The following TNRC6A variants were observed in gnomAD, a reference collection of about 807,000 sequenced individuals.
The protein encoded by TNRC6A is trinucleotide repeat-containing gene 6A protein.
Under a neutral mutation model 221.2 loss-of-function variants are expected in TNRC6A, and 44 were observed. The observed-to-expected ratio is 0.20, with a 90% CI of 0.16 to 0.26. The LOEUF is 0.26. Ranked by LOEUF, TNRC6A falls within the 10% of genes least tolerant of loss-of-function variation. The pLI, the probability that TNRC6A is intolerant of heterozygous loss-of-function variation, is 1.00. For synonymous variants in TNRC6A, 847 were observed against 838.5 expected, an observed-to-expected ratio of 1.01 and a Z score of -0.18; for missense variants, 2,199 against 2,404.4, an observed-to-expected ratio of 0.91 and a Z score of 1.79.
At chr16:24,806,853 A>G (rs2058443291) in intron 17 of TNRC6A, 69 bp downstream of exon 17, 3 of 1,408,428 alleles carry the variant, frequency 2.1e-6, no homozygotes, top group Admixed American at 3.6e-5. Context: ...CTTCACACGT[A>G]CCCTTACAGC....
At chr16:24,791,962 T>C in intron 6 of TNRC6A, 145 bp downstream of exon 6, 2 of 847,014 alleles carry the variant, frequency 2.4e-6, no homozygotes, top group Non-Finnish European at 3.4e-6. Flanking sequence ...GGGTGATGTT[T>C]ACCACCAGAG....
At chr16:24,709,037 G>A (rs7189584) in intron 2 of TNRC6A, among the ~76,000 whole-genome samples, 38,997 of 151,838 alleles carry the variant, frequency 0.26, 8,276 homozygotes, top group East Asian at 0.72. Context: ...CAGGCAGATT[G>A]CCTGAGGTCG....
intron 2 of TNRC6A, chr16:24,662,835 G>A (rs368564010): frequency 5.6e-4 from 86 of 153,890 alleles, no homozygotes; most frequent in African/African-American, 2.0e-3. Flanking sequence ...TTCTGGTGAA[G>A]GCATGACAGC....
chr16:24,815,191 C>G lies in TNRC6A; in HGVS notation c.4717C>G (p.Pro1573Ala), dbSNP rs1336495530. 5 of 1,614,190 alleles carry G rather than the reference C, an allele frequency of 3.1e-6. No individual in the cohort carries two copies. The highest frequency in any genetic ancestry group is 4.2e-6 in the Non-Finnish European group (5 of 1,180,030). Residue 1573 changes from proline to alanine, a missense_variant, in exon 19 of 25, where the codon CCC (proline) becomes GCC (alanine). By Grantham distance (27) the Pro-to-Ala change is conservative. Around this residue, in one of 8 missense-constraint regions of TNRC6A, gnomAD observed 449 missense variants for 579.7 expected, o/e 0.77. Transcript: ENST00000395799. ...CAGGCTGGAAGAGTCTCCATTTGTTCCCTATGACTTTATGAACAGCAGTAC... is the reference window on the plus strand; with the variant it reads ...CAGGCTGGAAGAGTCTCCATTTGTTGCCTATGACTTTATGAACAGCAGTAC... ...GFRLEESPFV[P>A]YDFMNSSTSP... is the part of the protein sequence containing the mutation.
chr16:24,674,739 T>C (rs1209160520), intron 2 of TNRC6A, among the ~76,000 whole-genome samples: 2 of 143,272 alleles, frequency 1.4e-5, no homozygotes, highest in Non-Finnish European at 3.1e-5. Flanking sequence ...CACACACACA[T>C]CTTTGTCTAA....
chr16:24,815,337 G>A (rs1171974312), intron 19 of TNRC6A, 32 bp downstream of exon 19: 2 of 1,610,416 alleles, frequency 1.2e-6, no homozygotes, highest in East Asian at 4.5e-5. Flanking sequence ...TCTTTCATGA[G>A]ACTGTGTTTC....
intron 2 of TNRC6A, among the ~76,000 whole-genome samples, chr16:24,680,757 T>TTTTG (rs869171572): frequency 1.3e-5 from 2 of 151,726 alleles, no homozygotes; most frequent in African/African-American, 2.4e-5. Flanking sequence ...GGAAGCGTTT[T>TTTTG]TTTGTTTGTT....
chr16:24,642,760 C>T (rs375591895), intron 2 of TNRC6A, among the ~76,000 whole-genome samples: 2 of 151,990 alleles, frequency 1.3e-5, no homozygotes, highest in African/African-American at 4.8e-5. Context: ...GTGGAGGTTG[C>T]GGTGAGCTGA....
At chr16:24,682,637 G>A (rs745834094) in intron 2 of TNRC6A, among the ~76,000 whole-genome samples, 96 of 152,170 alleles carry the variant, frequency 6.3e-4, no homozygotes, top group Non-Finnish European at 1.2e-3. Context: ...GAAAGGCCAA[G>A]GGGAAGAATG....
intron 2 of TNRC6A, among the ~76,000 whole-genome samples, chr16:24,660,185 A>G (rs1212363951): frequency 6.6e-6 from 1 of 152,130 alleles, no homozygotes; most frequent in East Asian, 1.9e-4. Flanking sequence ...TCACCCAAGC[A>G]GTATACACTG....
intron 4 of TNRC6A, among the ~76,000 whole-genome samples, chr16:24,762,341 T>C (rs1307850052): frequency 6.6e-6 from 1 of 152,232 alleles, no homozygotes; most frequent in Admixed American, 6.5e-5. Context: ...TTAAGTCAGC[T>C]GCATGTCAAA....
intron 2 of TNRC6A, among the ~76,000 whole-genome samples, chr16:24,722,982 TG>T (rs1327816399): frequency 2.0e-5 from 3 of 151,966 alleles, no homozygotes; most frequent in Non-Finnish European, 4.4e-5. Flanking sequence ...ATTACCGACT[TG>T]GGGGAAAACT....
At chr16:24,639,815 TTTTG>T (rs1230335494) in intron 1 of TNRC6A, among the ~76,000 whole-genome samples, 6 of 151,990 alleles carry the variant, frequency 3.9e-5, no homozygotes, top group Admixed American at 2.0e-4. Flanking sequence ...TTTGGTTAAT[TTTTG>T]TTTGTTTGTC....
At chr16:24,724,818 A>C (rs2056466361), upstream of TNRC6A, among the ~76,000 whole-genome samples, 6 of 152,222 alleles carry the variant, frequency 3.9e-5, no homozygotes, top group Admixed American at 3.9e-4. Context: ...TTACTGTGAA[A>C]AAATTTTAAA....
intron 2 of TNRC6A, among the ~76,000 whole-genome samples, chr16:24,673,781 C>G (rs1343173051): frequency 6.6e-6 from 1 of 152,126 alleles, no homozygotes; most frequent in Non-Finnish European, 1.5e-5. Flanking sequence ...TGGTCTTGAA[C>G]TCCTGGGCTC....
At chr16:24,701,368 C>CTT (rs397854971) in intron 2 of TNRC6A, among the ~76,000 whole-genome samples, 3 of 135,550 alleles carry the variant, frequency 2.2e-5, no homozygotes, top group Non-Finnish European at 4.8e-5. Context: ...ACTTTTTTTT[C>CTT]TTTTTTTTTT....
At chr16:24,758,283 C>T (rs2057292859) in intron 3 of TNRC6A, 56 bp from the exon 4 acceptor site, 3 of 1,515,776 alleles carry the variant, frequency 2.0e-6, no homozygotes, top group Non-Finnish European at 1.8e-6. Context: ...TCATAACAGT[C>T]CATTTCTTTC....
At chr16:24,734,083 G>A (rs529998485) in intron 2 of TNRC6A, among the ~76,000 whole-genome samples, 29 of 152,304 alleles carry the variant, frequency 1.9e-4, no homozygotes, top group African/African-American at 6.7e-4. Flanking sequence ...GCTGAGGTGG[G>A]AGGTTTGCTT....
chr16:24,726,706 G>A (rs976209585), upstream of TNRC6A, among the ~76,000 whole-genome samples: 3 of 152,136 alleles, frequency 2.0e-5, no homozygotes, highest in African/African-American at 7.2e-5. Context: ...GAGGAATGAC[G>A]CATCAAGGGA....
Sources: gnomAD v4.1 joint callset for allele counts (sites outside exome capture counted in the v4.1 genomes callset) on GRCh38, gnomAD v4.1.1 for gene constraint, gnomAD v4.1.1 regional missense constraint, MANE v1.5 for transcripts, NCBI Gene and HGNC (gene_info 2026-07-23, HGNC 2026-07-21) for gene names.